ANKHD1: variants seen among roughly 807,000 people sequenced by gnomAD.
The protein encoded by ANKHD1 is ankyrin repeat and KH domain-containing protein 1.
A neutral mutation model predicts 230.5 loss-of-function variants in ANKHD1; 31 were observed. That is an observed-to-expected ratio of 0.13 (90% CI 0.10 to 0.18). The LOEUF (loss-of-function observed/expected upper bound fraction) is 0.18. Among genes scored for constraint, ANKHD1 ranks in the 10% least tolerant of loss-of-function variants. The probability of loss-of-function intolerance (pLI) is 1.00; values close to 1 mark genes in which losing one functional copy is unlikely to be tolerated. For synonymous variants in ANKHD1, 1,074 were observed against 1,117.6 expected, an observed-to-expected ratio of 0.96 and a Z score of 0.78; for missense variants, 2,256 against 3,071.3, an observed-to-expected ratio of 0.73 and a Z score of 6.27.
chr5:140,531,692 T>G (rs1307742587), intron 29 of ANKHD1, among the ~76,000 whole-genome samples: 1 of 152,096 alleles, frequency 6.6e-6, no homozygotes, highest in Non-Finnish European at 1.5e-5. Context: ...GGAAAAACAG[T>G]TTCACAGTTC....
chr5:140,418,604 G>A (rs1771598879), intron 1 of ANKHD1, among the ~76,000 whole-genome samples: 1 of 152,108 alleles, frequency 6.6e-6, no homozygotes, highest in Non-Finnish European at 1.5e-5. Context: ...CTTTCTGTCT[G>A]TATGTATTTG....
rs755776792 is a variant in ANKHD1 at position 140,401,887 on chromosome 5, T to A, written c.-81T>A. ...GGGGAAAGGAGACGCTTCTTCCTCT[T>A]GCTGCTCTTCTCGTTCCCGAGATCA... On this transcript the variant is annotated 5_prime_UTR_variant, in exon 1 of 34. Transcript: ENST00000360839. 1 of 1,482,984 alleles carries A rather than the reference T, an allele frequency of 6.7e-7. No homozygotes were observed. The highest frequency in any genetic ancestry group is 8.9e-7 in the Non-Finnish European group (1 of 1,124,828). The allele number at this position is 1,482,984 out of a possible 1,614,324, so 91.9% of individuals were successfully genotyped here.
rs767952944 is a variant in ANKHD1, at chr5:140,527,848, C to T, written c.5088-25C>T. The stretch of plus-strand genomic sequence containing the variant: ...ATAAAGAGACATTTAATTTCATAAG[C>T]TCATGTGTATTCTTCATTTTATAGG... On this transcript the variant is annotated intron_variant, in intron 27 of 33. Coordinates refer to ENST00000360839, the MANE Select transcript of ANKHD1 (RefSeq NM_017747.3). The surrounding 1 kb of genome is among the most constrained non-coding windows in gnomAD (Gnocchi z 4.5). The T allele has an allele frequency of 5.6e-6, 9 of 1,597,724 alleles. No individual in the cohort carries two copies. The highest frequency in any genetic ancestry group is 7.7e-6 in the Non-Finnish European group (9 of 1,172,048).
chr5:140,413,785 TTTG>T (rs1771128524), intron 1 of ANKHD1, among the ~76,000 whole-genome samples: 1 of 152,110 alleles, frequency 6.6e-6, no homozygotes, highest in Non-Finnish European at 1.5e-5. Flanking sequence ...TTTTGTTTGT[TTTG>T]TTTTTTTTTG....
At chr5:140,455,702 A>T (rs1388891365) in intron 7 of ANKHD1, among the ~76,000 whole-genome samples, 4 of 152,220 alleles carry the variant, frequency 2.6e-5, no homozygotes, top group African/African-American at 7.2e-5. Flanking sequence ...TTAGGTATTG[A>T]TGGGACATAT....
intron 1 of ANKHD1, among the ~76,000 whole-genome samples, chr5:140,427,624 G>A (rs1296105356): frequency 3.5e-5 from 5 of 144,628 alleles, no homozygotes; most frequent in South Asian, 2.2e-4. Context: ...CCTCCCGGAC[G>A]GGGCGGCTGG....
chr5:140,505,058 T>A, intron 16 of ANKHD1, 64 bp from the exon 17 acceptor site: 2 of 1,603,630 alleles, frequency 1.2e-6, no homozygotes, highest in Non-Finnish European at 1.7e-6. Flanking sequence ...AAAGAAATAT[T>A]ATTTGCTCTT....
chr5:140,520,173 A>G (rs1262725328), intron 24 of ANKHD1, among the ~76,000 whole-genome samples: 3 of 152,218 alleles, frequency 2.0e-5, no homozygotes, highest in Non-Finnish European at 2.9e-5. Context: ...AAAACACATG[A>G]AAAAATGCTC....
chr5:140,450,530 GTCTC>G (rs148476012), intron 7 of ANKHD1, among the ~76,000 whole-genome samples: 16 of 148,088 alleles, frequency 1.1e-4, no homozygotes, highest in African/African-American at 4.0e-4. Context: ...TTTTCTATTG[GTCTC>G]TCTCTCTCTC....
At position 140,507,088 on chromosome 5, in the gene ANKHD1, T is replaced by A. The variant is rs180721067; in HGVS notation, c.3551+111T>A. 2.0e-6 allele frequency: 3 copies of A among 1,472,776 alleles called. No homozygotes were observed. In the Admixed American group the frequency reaches 6.9e-5, roughly 34 times the overall value. The allele number at this position is 1,472,776 out of a possible 1,614,324, so 91.2% of individuals were successfully genotyped here. On this transcript the variant is annotated intron_variant, in intron 19 of 33. Coordinates refer to ENST00000360839, the MANE Select transcript of ANKHD1 (RefSeq NM_017747.3). The surrounding 1 kb of genome is among the most constrained non-coding windows in gnomAD (Gnocchi z 4.1). Reference sequence around the variant, plus strand: ...ATTTTAAATTAAGATAGTACTAAAGTTGCAAAGCCAACGATTATACCTATA... The same window carrying A: ...ATTTTAAATTAAGATAGTACTAAAGATGCAAAGCCAACGATTATACCTATA...
In ANKHD1 at chr5:140,526,030, A is replaced by G. The variant is rs756398129; in HGVS notation, c.4527A>G (p.Ala1509=). 1.9e-6 allele frequency: 3 copies of G among 1,597,868 alleles called. No homozygotes were observed. Among genetic ancestry groups the G allele is most frequent in the Admixed American group, 1.8e-5 (1 of 55,098 alleles). ...AAGTTCCCATAGAACCTCCTAGTGC[A>G]ACCACCACCACTACGATTGGAATCT... is the stretch of plus-strand genomic sequence containing the variant. ...EQEVPIEPPS[A]TTTTTIGISA... is the part of the protein sequence containing the mutation. Residue 1509 remains alanine (A), a synonymous_variant, in exon 26 of 34, where the codon GCA becomes GCG. Coordinates refer to ENST00000360839, the MANE Select transcript of ANKHD1 (RefSeq NM_017747.3).
Position 140,507,774 on chromosome 5 carries a change from TC to T in ANKHD1, c.3552-6del, listed in dbSNP as rs35732311. ...ATTATTTTAATTTTCTAAGCACATTTCCCCCTTTAGGACTGGGAGTAAACTA... is the reference window on the plus strand; with the variant it reads ...ATTATTTTAATTTTCTAAGCACATTTCCCCTTTAGGACTGGGAGTAAACTA... On this transcript the variant is annotated splice_polypyrimidine_tract_variant and intron_variant, in intron 19 of 33. Transcript: ENST00000360839. The surrounding 1 kb of genome is among the most constrained non-coding windows in gnomAD (Gnocchi z 4.1). The T allele has an allele frequency of 6.2e-7, 1 of 1,611,418 alleles. No individual in the cohort carries two copies. Among genetic ancestry groups the T allele is most frequent in the Non-Finnish European group, 8.5e-7 (1 of 1,177,810 alleles).
At chr5:140,432,708 A>C (rs570113463) in intron 1 of ANKHD1, among the ~76,000 whole-genome samples, 1 of 151,962 alleles carries the variant, frequency 6.6e-6, no homozygotes. Context: ...AAGACCTTAT[A>C]TTAATTTTTT....
chr5:140,512,306 G>C (rs1428001082), intron 22 of ANKHD1, among the ~76,000 whole-genome samples: 1 of 151,714 alleles, frequency 6.6e-6, no homozygotes, highest in African/African-American at 2.4e-5. Context: ...ATGGCATTTA[G>C]AAAGTGTTTT....
chr5:140,473,318 G>A (rs983652901), intron 10 of ANKHD1, among the ~76,000 whole-genome samples: 2 of 152,060 alleles, frequency 1.3e-5, no homozygotes, highest in African/African-American at 2.4e-5. Context: ...GTGAGTCACC[G>A]TGCCTGGCCT....
chr5:140,402,964 CTTTTTTTTTTTTTTTTT>C (rs56939861), intron 1 of ANKHD1, among the ~76,000 whole-genome samples: 2 of 73,944 alleles, frequency 2.7e-5, no homozygotes, highest in Non-Finnish European at 5.4e-5. Flanking sequence ...GAAACCTCTT[CTTTTTTTTTTTTTTTTT>C]TTTTTTTTTG....
At chr5:140,420,738 G>C (rs142859044) in intron 1 of ANKHD1, among the ~76,000 whole-genome samples, 1 of 152,178 alleles carries the variant, frequency 6.6e-6, no homozygotes, top group Admixed American at 6.5e-5. Flanking sequence ...GTAGCTTTTT[G>C]CAGTAAGTTT....
At chr5:140,403,663 A>G (rs1405027479) in intron 1 of ANKHD1, among the ~76,000 whole-genome samples, 2 of 152,040 alleles carry the variant, frequency 1.3e-5, no homozygotes, top group African/African-American at 2.4e-5. Flanking sequence ...AAGGGGCGGT[A>G]TTTTATGTGT....
chr5:140,428,666 C>T (rs993198291), intron 1 of ANKHD1, among the ~76,000 whole-genome samples: 2 of 151,678 alleles, frequency 1.3e-5, no homozygotes, highest in South Asian at 2.1e-4. Flanking sequence ...AGGGAGAGGG[C>T]GAGGGCGAGG....
Sources: gnomAD v4.1 joint callset for allele counts (sites outside exome capture counted in the v4.1 genomes callset) on GRCh38, gnomAD v4.1.1 for gene constraint, Gnocchi (gnomAD v3.1) non-coding constraint, MANE v1.5 for transcripts, NCBI Gene and HGNC (gene_info 2026-07-23, HGNC 2026-07-21) for gene names.